PLXNA4: variants seen among roughly 807,000 people sequenced by gnomAD.
PLXNA4 encodes plexin A4, also known as plexin-A4.
A neutral mutation model predicts 191.8 loss-of-function variants in PLXNA4; 44 were observed. The ratio of observed to expected loss-of-function variants is 0.23; its 90% confidence interval spans 0.18 to 0.29. The LOEUF (loss-of-function observed/expected upper bound fraction) is 0.29. Ranked by LOEUF, PLXNA4 falls within the 10% of genes least tolerant of loss-of-function variation. The pLI, the probability that PLXNA4 is intolerant of heterozygous loss-of-function variation, is 1.00. For synonymous variants in PLXNA4, 1,082 were observed against 1,009.5 expected, an observed-to-expected ratio of 1.07 and a Z score of -1.36; for missense variants, 1,800 against 2,488.8, an observed-to-expected ratio of 0.72 and a Z score of 5.89.
chr7:132,357,445 A>G (rs944069220), intron 3 of PLXNA4, among the ~76,000 whole-genome samples: 39 of 152,346 alleles, frequency 2.6e-4, no homozygotes, highest in African/African-American at 8.4e-4. Flanking sequence ...CCACATTCTC[A>G]GCCAAATGAG....
intron 3 of PLXNA4, among the ~76,000 whole-genome samples, chr7:132,405,078 G>GTA (rs1189741395): frequency 6.6e-6 from 1 of 151,160 alleles, no homozygotes; most frequent in African/African-American, 2.4e-5. Flanking sequence ...GTGTATGTGT[G>GTA]TGTGTGTGTG....
chr7:132,528,739 G>A (rs892773998), intron 1 of PLXNA4, among the ~76,000 whole-genome samples: 5 of 152,226 alleles, frequency 3.3e-5, no homozygotes, highest in African/African-American at 4.8e-5. Flanking sequence ...TGATGTGCCT[G>A]CAATGGCTGA....
At chr7:132,442,572 T>G (rs1795736455) in intron 3 of PLXNA4, among the ~76,000 whole-genome samples, 1 of 152,194 alleles carries the variant, frequency 6.6e-6, no homozygotes, top group Admixed American at 6.5e-5. Context: ...TTCTGTTCTT[T>G]TTCTTTTTTC....
intron 3 of PLXNA4, among the ~76,000 whole-genome samples, chr7:132,418,475 C>G (rs1794738522): frequency 6.6e-6 from 1 of 152,200 alleles, no homozygotes; most frequent in Admixed American, 6.5e-5. Context: ...CCTAGAATCC[C>G]CTGCTCAGAC....
chr7:132,569,144 G>A, intron 1 of PLXNA4, among the ~76,000 whole-genome samples: 1 of 152,200 alleles, frequency 6.6e-6, no homozygotes, highest in East Asian at 1.9e-4. Flanking sequence ...ATTAACTGCT[G>A]GCTGTGCCTC....
chr7:132,240,817 T>A (rs1798852097), intron 5 of PLXNA4, among the ~76,000 whole-genome samples: 1 of 152,186 alleles, frequency 6.6e-6, no homozygotes, highest in Non-Finnish European at 1.5e-5. Flanking sequence ...GACAACTATA[T>A]CCTGACCTGT....
chr7:132,471,456 C>T (rs930323653), intron 3 of PLXNA4, among the ~76,000 whole-genome samples: 2 of 152,112 alleles, frequency 1.3e-5, no homozygotes, highest in African/African-American at 2.4e-5. Context: ...TTCCTTCATC[C>T]CTTCATGGCC....
chr7:132,329,419 G>A (rs143033663), intron 3 of PLXNA4, among the ~76,000 whole-genome samples: 224 of 152,262 alleles, frequency 1.5e-3, no homozygotes, highest in African/African-American at 4.7e-3. Flanking sequence ...AGTGCCTCCT[G>A]TTTGTGCCCC....
At chr7:132,299,209 C>T (rs1801217078) in intron 3 of PLXNA4, among the ~76,000 whole-genome samples, 1 of 152,174 alleles carries the variant, frequency 6.6e-6, no homozygotes, top group South Asian at 2.1e-4. Context: ...CCACACTTCC[C>T]TACCACATGC....
At chr7:132,570,075 T>C (rs148083493) in intron 1 of PLXNA4, among the ~76,000 whole-genome samples, 1 of 152,358 alleles carries the variant, frequency 6.6e-6, no homozygotes, top group East Asian at 1.9e-4. Flanking sequence ...CATGTGAGTG[T>C]ATTAAAGGCT....
At chr7:132,356,853 T>A (rs1456488337) in intron 3 of PLXNA4, among the ~76,000 whole-genome samples, 3 of 152,176 alleles carry the variant, frequency 2.0e-5, no homozygotes, top group South Asian at 2.1e-4. Context: ...GGCTCTCATA[T>A]GAGAAATGGA....
intron 3 of PLXNA4, among the ~76,000 whole-genome samples, chr7:132,333,202 C>T (rs549513733): frequency 1.1e-4 from 16 of 152,294 alleles, no homozygotes; most frequent in Non-Finnish European, 2.1e-4. Context: ...TGCCCTGCAG[C>T]GGCCATCCCT....
intron 16 of PLXNA4, among the ~76,000 whole-genome samples, chr7:132,182,603 G>A (rs936655411): frequency 5.9e-5 from 9 of 152,130 alleles, no homozygotes; most frequent in South Asian, 2.1e-4. Flanking sequence ...TGAAAGCCTC[G>A]CTCCAGATTG....
At chr7:132,447,986 G>A (rs1268942580) in intron 3 of PLXNA4, among the ~76,000 whole-genome samples, 1 of 152,080 alleles carries the variant, frequency 6.6e-6, no homozygotes, top group Non-Finnish European at 1.5e-5. Flanking sequence ...ACTCCAGCCT[G>A]GACAACAGAT....
chr7:132,231,162 C>T (rs892820433), intron 5 of PLXNA4, among the ~76,000 whole-genome samples: 1 of 152,184 alleles, frequency 6.6e-6, no homozygotes, highest in Admixed American at 6.5e-5. Context: ...GGGCAAATTA[C>T]TTAACTTCTT....
At chr7:132,257,019 T>C (rs998717250) in intron 4 of PLXNA4, among the ~76,000 whole-genome samples, 2 of 152,166 alleles carry the variant, frequency 1.3e-5, no homozygotes, top group Non-Finnish European at 2.9e-5. Context: ...AGCCTCCAGT[T>C]TACAGATGAA....
chr7:132,407,374 G>T (rs1219071412), intron 3 of PLXNA4, among the ~76,000 whole-genome samples: 1 of 152,174 alleles, frequency 6.6e-6, no homozygotes, highest in Admixed American at 6.5e-5. Flanking sequence ...AGTGTGAGAA[G>T]TTTCTAGTGT....
At chr7:132,321,002 C>T (rs1197408841) in intron 3 of PLXNA4, among the ~76,000 whole-genome samples, 1 of 152,156 alleles carries the variant, frequency 6.6e-6, no homozygotes, top group African/African-American at 2.4e-5. Flanking sequence ...TTTTTCTGCC[C>T]TCCGGTTCCT....
intron 9 of PLXNA4, among the ~76,000 whole-genome samples, chr7:132,215,138 C>T (rs1797925285): frequency 6.6e-6 from 1 of 152,200 alleles, no homozygotes. Context: ...CTGGGCTTCA[C>T]ATCTTAGGAT....
Sources: gnomAD v4.1 joint callset for allele counts (sites outside exome capture counted in the v4.1 genomes callset) on GRCh38, gnomAD v4.1.1 for gene constraint, MANE v1.5 for transcripts, NCBI Gene and HGNC (gene_info 2026-07-23, HGNC 2026-07-21) for gene names.